ACSM3: variants seen among roughly 807,000 people sequenced by gnomAD.
The protein encoded by ACSM3 is acyl-coenzyme A synthetase ACSM3, mitochondrial.
ACSM3 carries 61 observed loss-of-function variants against 74.1 expected under a neutral mutation model. The ratio of observed to expected loss-of-function variants is 0.82; its 90% CI spans 0.67 to 1.02. The LOEUF is 1.02. ACSM3 is among the 50% of genes least tolerant of loss of function. The pLI, the probability that ACSM3 is intolerant of heterozygous loss-of-function variation, is 0.00. For synonymous variants in ACSM3, 213 were observed against 241.5 expected (o/e 0.88, Z 1.09); for missense variants, 660 against 697.0 (o/e 0.95, Z 0.60).
intron 2 of ACSM3, among the ~76,000 whole-genome samples, chr16:20,771,278 C>A (rs553040481): frequency 6.6e-6 from 1 of 151,978 alleles, no homozygotes; most frequent in East Asian, 1.9e-4. Flanking sequence ...CCAGGCTGAC[C>A]TTGAACTCCT....
Position 20,780,819 on chromosome 16 carries a change from C to A in ACSM3, c.744C>A (p.Thr248=). Residue 248 remains threonine, a synonymous_variant, in exon 5 of 14, where the codon ACC becomes ACA. Coordinates refer to ENST00000289416, the MANE Select transcript of ACSM3 (RefSeq NM_005622.4). ...GATATCCGAAAATGACTGCACACAC[C>A]CACAGCAGTTTTGGTTTAGGATTAT... The part of the protein sequence containing the change: ...TSGYPKMTAH[T]HSSFGLGLSV... 1.2e-6 allele frequency: 2 copies of A among 1,614,190 alleles called. No individual in the cohort carries two copies. The highest frequency in any genetic ancestry group is 1.7e-6 in the Non-Finnish European group (2 of 1,180,034).
At chr16:20,691,751 A>ACGTGTG (rs1453597498) in intron 1 of ACSM3, among the ~76,000 whole-genome samples, 10 of 134,106 alleles carry the variant, frequency 7.5e-5, no homozygotes, top group South Asian at 2.5e-4. Flanking sequence ...TACCTCTCCA[A>ACGTGTG]TGTGTGTGTG....
chr16:20,764,987 C>T (rs1473515785), intron 1 of ACSM3, among the ~76,000 whole-genome samples: 1 of 152,144 alleles, frequency 6.6e-6, no homozygotes, highest in Non-Finnish European at 1.5e-5. Context: ...GTGAATTTAC[C>T]TTGCGTTGAG....
At chr16:20,710,683 A>G (rs1465640239) in intron 1 of ACSM3, among the ~76,000 whole-genome samples, 1 of 152,102 alleles carries the variant, frequency 6.6e-6, no homozygotes, top group Non-Finnish European at 1.5e-5. Flanking sequence ...TCTTAGTCCC[A>G]GTGGATTGTC....
At chr16:20,782,784 T>A (rs1252238538) in intron 7 of ACSM3, among the ~76,000 whole-genome samples, 2 of 152,102 alleles carry the variant, frequency 1.3e-5, no homozygotes, top group Admixed American at 6.6e-5. Context: ...GCTCACAGAG[T>A]GCAAGAAAAC....
intron 12 of ACSM3, among the ~76,000 whole-genome samples, chr16:20,794,803 A>G (rs554088193): frequency 6.6e-6 from 1 of 152,318 alleles, no homozygotes; most frequent in South Asian, 2.1e-4. Context: ...AACTTGTCCA[A>G]CATTACACAA....
intron 5 of ACSM3, 29 bp downstream of exon 5, chr16:20,780,886 G>A: frequency 6.2e-7 from 1 of 1,613,820 alleles, no homozygotes; most frequent in Non-Finnish European, 8.5e-7. Flanking sequence ...GCAGCTTGAA[G>A]TGTCAAAACT....
intron 1 of ACSM3, among the ~76,000 whole-genome samples, chr16:20,687,853 G>A (rs897489698): frequency 2.0e-5 from 3 of 152,096 alleles, no homozygotes; most frequent in Non-Finnish European, 4.4e-5. Context: ...GGAGGCCGAG[G>A]CTACCGGATC....
chr16:20,727,961 T>C lies in ACSM3; in HGVS notation c.-189-21949T>C, dbSNP rs554433584. Among the ~76,000 whole-genome samples, 4 of 152,332 alleles carry C rather than the reference T, an allele frequency of 2.6e-5. No homozygotes were observed. The East Asian group carries it at 7.7e-4, about 29-fold the overall frequency. ...CTCTGGGATGAGGCCCATAAATCTG[T>C]GTTTCAACAATGCTCCAGAATCTCC... On this transcript the variant is annotated intron_variant, in intron 1 of 3. Transcript: ENST00000561584.
upstream of ACSM3, among the ~76,000 whole-genome samples, chr16:20,761,945 G>A (rs2080080410): frequency 6.6e-6 from 1 of 152,186 alleles, no homozygotes; most frequent in African/African-American, 2.4e-5. Context: ...GTGCTGACAG[G>A]CCACTGCACG....
chr16:20,780,642 T>C, intron 4 of ACSM3, 72 bp from the exon 5 acceptor site: 1 of 1,613,662 alleles, frequency 6.2e-7, no homozygotes, highest in East Asian at 2.2e-5. Context: ...GGAGAGCTTC[T>C]CAAAATTTTT....
intron 1 of ACSM3, among the ~76,000 whole-genome samples, chr16:20,768,993 A>G (rs948717791): frequency 2.6e-5 from 4 of 152,224 alleles, no homozygotes; most frequent in Non-Finnish European, 5.9e-5. Context: ...TAAAACTGCA[A>G]TAACTGTAGA....
chr16:20,786,085 T>G lies in ACSM3; in HGVS notation c.1151T>G (p.Ile384Ser). Reference protein sequence around the residue: ...EGYGQTETVLICGNFKGMKIK... With the variant: ...EGYGQTETVLSCGNFKGMKIK... Reference sequence around the variant, plus strand: ...TTTCTTCTTCTTAACTAGGTGCTAATCTGTGGAAATTTTAAGGGAATGAAA... The same window carrying G: ...TTTCTTCTTCTTAACTAGGTGCTAAGCTGTGGAAATTTTAAGGGAATGAAA... Residue 384 changes from isoleucine (I) to serine (S), a missense_variant, in exon 9 of 14, where the codon ATC (isoleucine) becomes AGC (serine). Physicochemically the swap from Ile to Ser is moderately radical, Grantham distance 142. Transcript: ENST00000289416. The G allele has an allele frequency of 6.3e-7, 1 of 1,591,450 alleles. No homozygotes were observed. The highest frequency in any genetic ancestry group is 8.5e-7 in the Non-Finnish European group (1 of 1,169,786).
chr16:20,796,267 C>T, intron 12 of ACSM3, 103 bp from the exon 13 acceptor site: 1 of 1,503,782 alleles, frequency 6.6e-7, no homozygotes, highest in Non-Finnish European at 8.9e-7. Flanking sequence ...AACACACTGG[C>T]CCACCCCACC....
At chr16:20,739,176 A>ATT (rs34908456) in intron 1 of ACSM3, 160 of 792,802 alleles carry the variant, frequency 2.0e-4, no homozygotes, top group East Asian at 3.1e-4. Flanking sequence ...CTCAGTATTG[A>ATT]TTTTTTTTTT....
intron 2 of ACSM3, among the ~76,000 whole-genome samples, chr16:20,774,939 T>A (rs987292060): frequency 1.3e-5 from 2 of 152,172 alleles, no homozygotes; most frequent in African/African-American, 4.8e-5. Context: ...GGGGGCAAGA[T>A]CATGTTCATG....
chr16:20,777,453 A>C lies in ACSM3; in HGVS notation c.511A>C (p.Ile171Leu), dbSNP rs781100087. 3 of 1,614,024 alleles carry C rather than the reference A, an allele frequency of 1.9e-6. No individual in the cohort carries two copies. Among genetic ancestry groups the C allele is most frequent in the Non-Finnish European group, 2.5e-6 (3 of 1,180,000 alleles). Reference sequence around the variant, plus strand: ...ACTACAATCTTCAAAAGCAAACTGCATTATCACCAATGATGTTTTAGCCCC... The same window carrying C: ...ACTACAATCTTCAAAAGCAAACTGCCTTATCACCAATGATGTTTTAGCCCC... Reference protein sequence around the residue: ...YRLQSSKANCIITNDVLAPAV... With the variant: ...YRLQSSKANCLITNDVLAPAV... Residue 171 changes from isoleucine to leucine, a missense_variant, in exon 4 of 14, where the codon ATT (isoleucine) becomes CTT (leucine). Coordinates refer to ENST00000289416, the MANE Select transcript of ACSM3 (RefSeq NM_005622.4).
In ACSM3 at chr16:20,790,994, C is replaced by A; in HGVS notation, c.1326+306C>A. On this transcript the variant is annotated intron_variant, in intron 10 of 13. Coordinates refer to ENST00000289416, the MANE Select transcript of ACSM3 (RefSeq NM_005622.4). The surrounding 1 kb of genome is among the most constrained non-coding windows in gnomAD (Gnocchi z 4.0). Reference sequence around the variant, plus strand: ...TCTCAATTATCAAACAAAACCCACTCATTTTCCTGAAATCCAGTTAGTGCT... The same window carrying A: ...TCTCAATTATCAAACAAAACCCACTAATTTTCCTGAAATCCAGTTAGTGCT... 6.5e-7 allele frequency: 1 copy of A among 1,545,270 alleles called. No homozygotes were observed. Among genetic ancestry groups the A allele is most frequent in the South Asian group, 1.1e-5 (1 of 87,336 alleles).
intron 1 of ACSM3, chr16:20,741,481 G>GGCCCCCCCCCCCC: frequency 7.6e-6 from 10 of 1,308,412 alleles, no homozygotes; most frequent in South Asian, 7.1e-5. Flanking sequence ...CTGGCAGCCG[G>GGCCCCCCCCCCCC]CCCGCCCGCC....
Sources: allele counts gnomAD v4.1 joint callset (sites outside exome capture counted in the v4.1 genomes callset), GRCh38; gene constraint gnomAD v4.1.1; non-coding constraint Gnocchi (gnomAD v3.1); transcripts MANE v1.5; gene names NCBI Gene and HGNC (gene_info 2026-07-23, HGNC 2026-07-21).